Variants in CHLSN observed in about 807,000 individuals in gnomAD.
The protein encoded by CHLSN is cholesin.
At chr7:980,684 C>CTT in the CHLSN span, among the ~76,000 whole-genome samples, 67 of 97,022 alleles carry the variant, frequency 6.9e-4, no homozygotes, top group African/African-American at 8.8e-4. Context: ...GTAACAGTTA[C>CTT]TTTTTTTTTT....
chr7:1,092,499 G>A, the CHLSN span: 18 of 1,607,546 alleles, frequency 1.1e-5, no homozygotes, highest in South Asian at 1.1e-4. Context: ...GGCAGAAGGC[G>A]CTCCGCATGA....
the CHLSN span, among the ~76,000 whole-genome samples, chr7:991,953 G>C: frequency 6.6e-6 from 1 of 152,138 alleles, no homozygotes; most frequent in Non-Finnish European, 1.5e-5. Flanking sequence ...CTTTATCCAC[G>C]CACCTGCCAA....
chr7:1,077,014 C>T, the CHLSN span, among the ~76,000 whole-genome samples: 3 of 152,340 alleles, frequency 2.0e-5, no homozygotes, highest in South Asian at 2.1e-4. Flanking sequence ...GGCAGAGGGC[C>T]GAGACCCCCG....
At chr7:1,101,851 C>G in the CHLSN span, among the ~76,000 whole-genome samples, 1 of 152,264 alleles carries the variant, frequency 6.6e-6, no homozygotes, top group Non-Finnish European at 1.5e-5. Flanking sequence ...CAGCACGAAG[C>G]CCTGCTCGGC....
At chr7:1,134,904 A>C in the CHLSN span, among the ~76,000 whole-genome samples, 1 of 151,946 alleles carries the variant, frequency 6.6e-6, no homozygotes, top group African/African-American at 2.4e-5. Context: ...TAAATACATA[A>C]AGAGTCATCT....
At chr7:983,658 G>A in the CHLSN span, among the ~76,000 whole-genome samples, 7 of 152,340 alleles carry the variant, frequency 4.6e-5, no homozygotes, top group South Asian at 2.1e-4. Context: ...CCCTGGAGGC[G>A]GTGGCGTCTG....
chr7:1,109,810 C>T, the CHLSN span, among the ~76,000 whole-genome samples: 2 of 152,180 alleles, frequency 1.3e-5, no homozygotes, highest in South Asian at 4.1e-4. Context: ...CGTGCCTCTG[C>T]GTCTCGGCGC....
the CHLSN span, among the ~76,000 whole-genome samples, chr7:998,556 T>G: frequency 6.9e-6 from 1 of 145,824 alleles, no homozygotes; most frequent in Non-Finnish European, 1.5e-5. Flanking sequence ...GTAATTCTCC[T>G]GCCTCAGCCT....
the CHLSN span, among the ~76,000 whole-genome samples, chr7:1,110,850 CA>C: frequency 1.3e-5 from 2 of 148,614 alleles, no homozygotes; most frequent in Non-Finnish European, 3.0e-5. Context: ...AGGCAATTCA[CA>C]AAAAAAAACC....
chr7:1,040,740 C>T, the CHLSN span, among the ~76,000 whole-genome samples: 1 of 147,216 alleles, frequency 6.8e-6, no homozygotes, highest in South Asian at 2.1e-4. Flanking sequence ...AAAAAGAAAA[C>T]AGCCTTTTCT....
At chr7:1,105,881 A>G in the CHLSN span, among the ~76,000 whole-genome samples, 15 of 152,248 alleles carry the variant, frequency 9.9e-5, no homozygotes, top group Non-Finnish European at 1.9e-4. Flanking sequence ...AAATTAAATT[A>G]AGAATGATAT....
chr7:1,015,097 GTC>G, the CHLSN span, among the ~76,000 whole-genome samples: 3 of 152,350 alleles, frequency 2.0e-5, no homozygotes, highest in African/African-American at 7.2e-5. Context: ...CCCCTGCCCA[GTC>G]TCTCCAGCCT....
chr7:993,704 G>A, the CHLSN span, among the ~76,000 whole-genome samples: 1 of 152,184 alleles, frequency 6.6e-6, no homozygotes, highest in South Asian at 2.1e-4. Flanking sequence ...TGAGCCCAGG[G>A]GGGTGGAGGT....
At chr7:1,041,926 G>C in the CHLSN span, among the ~76,000 whole-genome samples, 79,155 of 151,976 alleles carry the variant, frequency 0.52, 22,772 homozygotes, top group African/African-American at 0.78. Flanking sequence ...CTCAGAATAA[G>C]CAAGAAAGCC....
the CHLSN span, among the ~76,000 whole-genome samples, chr7:1,008,828 A>G: frequency 2.3e-5 from 1 of 44,264 alleles, no homozygotes; most frequent in African/African-American, 1.3e-4. Flanking sequence ...ACATATACAC[A>G]ACGTGTATAC....
chr7:1,028,450 C>T, the CHLSN span: 1 of 985,600 alleles, frequency 1.0e-6, no homozygotes, highest in Non-Finnish European at 1.2e-6. Context: ...GGGGACTGGA[C>T]CTCGGCGCGG....
At chr7:1,020,086 C>T in the CHLSN span, among the ~76,000 whole-genome samples, 4 of 152,214 alleles carry the variant, frequency 2.6e-5, no homozygotes, top group Non-Finnish European at 2.9e-5. Flanking sequence ...CAAGGGCCGG[C>T]GGAGTGGTGG....
chr7:986,948 G>A, the CHLSN span: 1 of 1,326,872 alleles, frequency 7.5e-7, no homozygotes, highest in African/African-American at 1.5e-5. Flanking sequence ...CTCCTTGTCT[G>A]TGAAACGGGG....
At chr7:1,111,038 G>T in the CHLSN span, among the ~76,000 whole-genome samples, 5,130 of 152,160 alleles carry the variant, frequency 0.034, 282 homozygotes, top group African/African-American at 0.12. Flanking sequence ...ATCGCACCAG[G>T]GCACTCCAGC....
Sources: allele counts gnomAD v4.1 joint callset (sites outside exome capture counted in the v4.1 genomes callset), GRCh38; gene constraint gnomAD v4.1.1; transcripts MANE v1.5; gene names NCBI Gene and HGNC (gene_info 2026-07-23, HGNC 2026-07-21).